Variants in TSPAN19 observed in about 807,000 individuals in gnomAD.
TSPAN19 encodes tetraspanin 19.
A neutral mutation model predicts 35.1 loss-of-function variants in TSPAN19; 44 were observed. The observed-to-expected ratio is 1.25, with a 90% CI of 0.98 to 1.61. The LOEUF is 1.61. Ranked by LOEUF, TSPAN19 falls within the 40% of genes most tolerant of loss-of-function variation. TSPAN19 has a pLI of 0.00. For synonymous variants in TSPAN19, 79 were observed against 92.0 expected (o/e 0.86, Z 0.81); for missense variants, 290 against 280.0 (o/e 1.04, Z -0.26).
intron 1 of TSPAN19, among the ~76,000 whole-genome samples, chr12:85,033,230 T>C (rs1358324280): frequency 6.6e-6 from 1 of 152,074 alleles, no homozygotes; most frequent in African/African-American, 2.4e-5. Context: ...GGGAACACTA[T>C]GTTCAGAAGC....
At chr12:85,031,969 G>A (rs190371486) in intron 1 of TSPAN19, among the ~76,000 whole-genome samples, 30 of 152,178 alleles carry the variant, frequency 2.0e-4, no homozygotes, top group African/African-American at 6.7e-4. Context: ...AAAAAAAAGA[G>A]AGCTTGGATT....
chr12:85,031,509 G>A (rs1398650720), intron 1 of TSPAN19, among the ~76,000 whole-genome samples: 1 of 152,112 alleles, frequency 6.6e-6, no homozygotes, highest in Non-Finnish European at 1.5e-5. Context: ...TGAAGGCATG[G>A]ACTTGAGTGT....
chr12:85,032,109 A>T (rs1422299965), intron 1 of TSPAN19, among the ~76,000 whole-genome samples: 1 of 152,146 alleles, frequency 6.6e-6, no homozygotes, highest in African/African-American at 2.4e-5. Flanking sequence ...TAGAAGAAAA[A>T]TTCATAAATT....
chr12:85,014,934 G>A (rs1200726813), intron 8 of TSPAN19: 1 of 157,588 alleles, frequency 6.3e-6, no homozygotes, highest in Non-Finnish European at 1.4e-5. Context: ...ATAATGAAAG[G>A]TGGCTTGTAA....
At chr12:85,022,655 C>T (rs1877188503) in intron 5 of TSPAN19, among the ~76,000 whole-genome samples, 1 of 152,102 alleles carries the variant, frequency 6.6e-6, no homozygotes, top group Non-Finnish European at 1.5e-5. Flanking sequence ...ATCTGTATGA[C>T]TTCAAGTACA....
Position 85,019,746 on chromosome 12 carries a change from A to C in TSPAN19, c.340-10T>G. On this transcript the variant is annotated splice_polypyrimidine_tract_variant and intron_variant, in intron 5 of 8. Transcript: ENST00000532498. Reference sequence around the variant, plus strand: ...GCCATAGTTGCTGAACCTGTAGAAAATTGTATTAAAAATGAAAATTTCATA... The same window carrying C: ...GCCATAGTTGCTGAACCTGTAGAAACTTGTATTAAAAATGAAAATTTCATA... 1 of 1,525,634 alleles carries C rather than the reference A, an allele frequency of 6.6e-7. No homozygotes were observed. Among genetic ancestry groups the C allele is most frequent in the Non-Finnish European group, 8.9e-7 (1 of 1,121,512 alleles). The allele number at this position is 1,525,634 out of a possible 1,614,324, so 94.5% of individuals were successfully genotyped here. A position where few individuals can be genotyped will look rare whatever the true frequency, so the allele number is the denominator to read the frequency against.
Position 85,028,000 on chromosome 12 carries a change from G to T in TSPAN19, c.163C>A (p.Pro55Thr), listed in dbSNP as rs753633512. 5 of 1,574,394 alleles carry T rather than the reference G, an allele frequency of 3.2e-6. No individual in the cohort carries two copies. In the South Asian group the frequency reaches 4.7e-5, roughly 15 times the overall value. ...AFDENNHFIV[P>T]ISQILIGMGS... ...ATTCCAATCAAAATTTGAGAAATAG[G>T]TACTATGAAGTGATTATTTTCATCT... Residue 55 changes from proline (P) to threonine (T), a missense_variant, in exon 4 of 9, where the codon CCT (proline) becomes ACT (threonine). Pro to Thr is a conservative substitution (Grantham distance 38, BLOSUM62 -1). Coordinates refer to ENST00000532498, the MANE Select transcript of TSPAN19 (RefSeq NM_001100917.2).
intron 1 of TSPAN19, among the ~76,000 whole-genome samples, chr12:85,030,196 T>A (rs1376172051): frequency 6.6e-6 from 1 of 152,138 alleles, no homozygotes; most frequent in Non-Finnish European, 1.5e-5. Context: ...TAAATATATA[T>A]CTGCAATGCT....
chr12:85,034,110 C>T lies in TSPAN19; in HGVS notation c.-28+2094G>A, dbSNP rs138702676. ...AGTTAGAGAATCTGAAGGCTTGAGA[C>T]ACACTTTAAGTGGAACAAGAGAATG... is the stretch of plus-strand genomic sequence containing the variant. On this transcript the variant is annotated intron_variant, in intron 1 of 8. Transcript: ENST00000532498. 1.1e-4 allele frequency among the ~76,000 whole-genome samples: 16 copies of T among 152,114 alleles called. No individual in the cohort carries two copies. In the East Asian group the frequency reaches 2.9e-3, roughly 28 times the overall value.
intron 1 of TSPAN19, among the ~76,000 whole-genome samples, chr12:85,030,504 C>T (rs183514590): frequency 7.6e-4 from 116 of 152,062 alleles, no homozygotes; most frequent in African/African-American, 2.7e-3. Context: ...TTTGTTGCCT[C>T]TCAAATTTCT....
At position 85,019,608 on chromosome 12, in the gene TSPAN19, T is replaced by C; in HGVS notation, c.450+18A>G. 3.4e-6 allele frequency: 5 copies of C among 1,478,288 alleles called. No individual in the cohort carries two copies. Among genetic ancestry groups the C allele is most frequent in the Non-Finnish European group, 4.7e-6 (5 of 1,058,308 alleles). 91.6% of individuals were successfully genotyped at this position (1,478,288 alleles called of 1,614,324 possible). On this transcript the variant is annotated intron_variant, in intron 6 of 8. Coordinates refer to ENST00000532498, the MANE Select transcript of TSPAN19 (RefSeq NM_001100917.2). ...TGGTCAATACTGACATCTAATTTTT[T>C]AGTTAATTTCATCTTACTGTTTTCT... is the stretch of plus-strand genomic sequence containing the variant.
intron 6 of TSPAN19, 54 bp from the exon 7 acceptor site, chr12:85,017,653 T>C: frequency 1.5e-6 from 2 of 1,357,170 alleles, no homozygotes; most frequent in Non-Finnish European, 2.0e-6. Flanking sequence ...TGCAGTTAAT[T>C]ATATGAGATT....
intron 5 of TSPAN19, among the ~76,000 whole-genome samples, chr12:85,022,299 A>C (rs972962868): frequency 2.0e-5 from 3 of 152,094 alleles, no homozygotes; most frequent in African/African-American, 7.2e-5. Flanking sequence ...CATTAACAGT[A>C]GGCACTGGAT....
chr12:85,015,962 T>C lies in TSPAN19; in HGVS notation c.604A>G (p.Asn202Asp), dbSNP rs1481639408. The stretch of plus-strand genomic sequence containing the variant: ...ACATTATACCATGCACTGATTTTAT[T>C]TTCACAACCCTAAGAAAAAGAAGTT... ...LNATYLEGCE[N>D]KISAWYNVNV... The change falls in exon 8 of 9, where the codon AAT (asparagine) becomes GAT (aspartate). Residue 202 changes from asparagine to aspartate, a missense_variant. Coordinates refer to ENST00000532498, the MANE Select transcript of TSPAN19 (RefSeq NM_001100917.2). 6.5e-7 allele frequency: 1 copy of C among 1,540,038 alleles called. No homozygotes were observed. The highest frequency in any genetic ancestry group is 1.2e-5 in the South Asian group (1 of 81,840).
rs1877216278 is a variant in TSPAN19, at chr12:85,023,268, C to T, written c.339+58G>A. The T allele has an allele frequency of 2.9e-6, 4 of 1,401,716 alleles. 1 individual carries two copies. The highest frequency in any genetic ancestry group is 2.5e-5 in the South Asian group (2 of 80,052). The allele number at this position is 1,401,716 out of a possible 1,614,324, so 86.8% of individuals were successfully genotyped here. A position where few individuals can be genotyped will look rare whatever the true frequency, so the allele number is the denominator to read the frequency against. On this transcript the variant is annotated intron_variant, in intron 5 of 8. Coordinates refer to ENST00000532498, the MANE Select transcript of TSPAN19 (RefSeq NM_001100917.2). The stretch of plus-strand genomic sequence containing the variant: ...CAATGGTCTCAATACTCTAAGGTAT[C>T]CAATTTCCTTTAAACTTCAAATAAC...
intron 6 of TSPAN19, 82 bp downstream of exon 6, chr12:85,019,544 C>T (rs1876999979): frequency 1.2e-6 from 1 of 829,248 alleles, no homozygotes; most frequent in Non-Finnish European, 2.0e-6. Flanking sequence ...CCATCTGCCC[C>T]ATCCCCTGCC....
At chr12:85,027,551 C>T (rs568328812) in intron 4 of TSPAN19, among the ~76,000 whole-genome samples, 48 of 151,902 alleles carry the variant, frequency 3.2e-4, no homozygotes, top group African/African-American at 1.1e-3. Context: ...CCCTGGTAAG[C>T]TACATTCCTC....
intron 3 of TSPAN19, among the ~76,000 whole-genome samples, chr12:85,028,413 C>T (rs1317637989): frequency 6.6e-6 from 1 of 152,122 alleles, no homozygotes; most frequent in Non-Finnish European, 1.5e-5. Context: ...TAGATGTATA[C>T]ACCCTGAATT....
intron 5 of TSPAN19, 51 bp from the exon 6 acceptor site, chr12:85,019,787 A>G: frequency 9.9e-7 from 1 of 1,013,674 alleles, no homozygotes. Flanking sequence ...GTATCCATAA[A>G]AATTTCATAG....
Sources: allele counts gnomAD v4.1 joint callset (sites outside exome capture counted in the v4.1 genomes callset), GRCh38; gene constraint gnomAD v4.1.1; transcripts MANE v1.5; gene names NCBI Gene and HGNC (gene_info 2026-07-23, HGNC 2026-07-21).